Variants in NAV2 observed in about 807,000 individuals in gnomAD.
NAV2 encodes the protein helicase, APC down-regulated 1.
Under a neutral mutation model 223.2 loss-of-function variants are expected in NAV2, and 54 were observed. That is an observed-to-expected ratio of 0.24 (90% confidence interval 0.19 to 0.30). The LOEUF (loss-of-function observed/expected upper bound fraction) is 0.30. Ranked by LOEUF, NAV2 falls within the 10% of genes least tolerant of loss-of-function variation. The probability of loss-of-function intolerance (pLI) is 1.00; values close to 1 mark genes in which losing one functional copy is unlikely to be tolerated. For missense variants in NAV2, 2,806 were observed against 3,147.5 expected (o/e 0.89, Z 2.60); for synonymous variants, 1,279 against 1,239.3 (o/e 1.03, Z -0.67).
chr11:19,426,326 T>C (rs2702639), intron 1 of NAV2, among the ~76,000 whole-genome samples: 77,174 of 151,960 alleles, frequency 0.51, 20,419 homozygotes, highest in African/African-American at 0.65. Context: ...TCCAGAGGAA[T>C]CCAGCTTCCC....
chr11:19,913,961 AGACATCAGCTGTGGACTCCCC>A (rs561817825), intron 6 of NAV2, among the ~76,000 whole-genome samples: 503 of 152,306 alleles, frequency 3.3e-3, no homozygotes, highest in African/African-American at 0.011. Flanking sequence ...CCTTTAACCT[AGACATCAGCTGTGGACTCCCC>A]GAGCCAGTGT....
intron 36 of NAV2, chr11:20,114,369 T>C (rs1219332270): frequency 1.7e-6 from 1 of 584,388 alleles, no homozygotes; most frequent in Non-Finnish European, 3.1e-6. Flanking sequence ...TCAGCCTGAC[T>C]CCAAAGCCTG....
intron 1 of NAV2, among the ~76,000 whole-genome samples, chr11:19,443,368 T>C (rs1028856635): frequency 6.6e-6 from 1 of 152,126 alleles, no homozygotes; most frequent in Admixed American, 6.5e-5. Context: ...CTCCATGGAG[T>C]TGGACCAATG....
chr11:19,424,444 T>A (rs1030046383), intron 1 of NAV2, among the ~76,000 whole-genome samples: 3 of 152,232 alleles, frequency 2.0e-5, no homozygotes, highest in African/African-American at 7.2e-5. Context: ...CATCAAAGAT[T>A]TGACTGTCGA....
chr11:20,063,916 C>G (rs1265853519), intron 20 of NAV2, among the ~76,000 whole-genome samples: 1 of 152,152 alleles, frequency 6.6e-6, no homozygotes, highest in Non-Finnish European at 1.5e-5. Flanking sequence ...CTAACTTAGG[C>G]CTGTATTGAG....
chr11:20,041,671 C>T (rs1591798196), intron 12 of NAV2, among the ~76,000 whole-genome samples: 1 of 152,186 alleles, frequency 6.6e-6, no homozygotes, highest in Admixed American at 6.5e-5. Flanking sequence ...TTGCAGTATT[C>T]CTAGTGCGAA....
rs1397926388 is a variant in NAV2, at chr11:19,869,033, A to G, written c.511+36A>G. ...GCGCTTGTCACGAAGCTGCCTCTTC[A>G]TCATTAGAAATGCCCACCTGTTACT... On this transcript the variant is annotated intron_variant, in intron 4 of 37. Coordinates refer to ENST00000349880, the MANE Select transcript of NAV2 (RefSeq NM_145117.5). The G allele has an allele frequency of 2.5e-6, 4 of 1,579,378 alleles. No individual in the cohort carries two copies. In the South Asian group the frequency reaches 3.3e-5, roughly 13 times the overall value.
intron 6 of NAV2, among the ~76,000 whole-genome samples, chr11:19,927,035 G>T (rs2044822086): frequency 6.6e-6 from 1 of 152,220 alleles, no homozygotes; most frequent in African/African-American, 2.4e-5. Flanking sequence ...TTTGGTTCCT[G>T]TCAGGGAAGG....
At chr11:19,906,086 C>T (rs191965831) in intron 6 of NAV2, among the ~76,000 whole-genome samples, 4 of 152,236 alleles carry the variant, frequency 2.6e-5, no homozygotes, top group Admixed American at 2.6e-4. Context: ...CTCGGCTGGG[C>T]CTGCTCCTAT....
At chr11:19,526,030 T>C (rs984292307) in intron 1 of NAV2, among the ~76,000 whole-genome samples, 3 of 152,160 alleles carry the variant, frequency 2.0e-5, no homozygotes, top group African/African-American at 7.2e-5. Flanking sequence ...CATTGTGAAA[T>C]GTTGCCCCAG....
At chr11:19,786,232 C>T (rs1459881906) in intron 1 of NAV2, among the ~76,000 whole-genome samples, 2 of 152,198 alleles carry the variant, frequency 1.3e-5, no homozygotes, top group East Asian at 1.9e-4. Context: ...AGCTGCTAAG[C>T]CTATTATGTC....
chr11:19,445,726 C>G (rs1034884358), intron 1 of NAV2, among the ~76,000 whole-genome samples: 4 of 151,200 alleles, frequency 2.6e-5, no homozygotes, highest in African/African-American at 9.7e-5. Context: ...TTTTGGCAGC[C>G]CTCTTTATTG....
At chr11:19,938,078 A>T (rs553723613) in intron 7 of NAV2, among the ~76,000 whole-genome samples, 2 of 152,316 alleles carry the variant, frequency 1.3e-5, no homozygotes, top group Non-Finnish European at 2.9e-5. Flanking sequence ...AGCCATGTGG[A>T]GAGAAGCCAC....
At chr11:19,700,186 C>T (rs1313393977) in intron 1 of NAV2, among the ~76,000 whole-genome samples, 1 of 152,112 alleles carries the variant, frequency 6.6e-6, no homozygotes, top group Non-Finnish European at 1.5e-5. Flanking sequence ...TAGTGTTTTA[C>T]CTATATTCAT....
chr11:19,892,294 A>T (rs1234092475), intron 5 of NAV2, 140 bp from the exon 6 acceptor site: 1 of 749,112 alleles, frequency 1.3e-6, no homozygotes, highest in Non-Finnish European at 2.0e-6. Context: ...TAATGGTTCC[A>T]CCAAATTCTG....
At chr11:19,818,268 A>C (rs577667259) in intron 1 of NAV2, among the ~76,000 whole-genome samples, 4 of 98,954 alleles carry the variant, frequency 4.0e-5, no homozygotes, top group East Asian at 3.2e-4. Context: ...TTTTTACTCC[A>C]TCTCACCTGT....
At chr11:19,546,370 A>G (rs141039485) in intron 1 of NAV2, among the ~76,000 whole-genome samples, 6 of 152,270 alleles carry the variant, frequency 3.9e-5, no homozygotes, top group African/African-American at 1.2e-4. Context: ...GCTGTGACCA[A>G]TGGAGGCCCC....
At chr11:19,989,317 A>G (rs543872779) in intron 11 of NAV2, among the ~76,000 whole-genome samples, 5 of 152,204 alleles carry the variant, frequency 3.3e-5, no homozygotes, top group African/African-American at 1.2e-4. Flanking sequence ...AGGACTCGTC[A>G]TGCCATTGCC....
intron 1 of NAV2, among the ~76,000 whole-genome samples, chr11:19,466,539 A>T (rs1444327698): frequency 6.6e-6 from 1 of 152,238 alleles, no homozygotes; most frequent in Admixed American, 6.5e-5. Flanking sequence ...TGCTTGCATG[A>T]TGCAGAGAGA....
Sources: allele counts gnomAD v4.1 joint callset (sites outside exome capture counted in the v4.1 genomes callset), GRCh38; gene constraint gnomAD v4.1.1; transcripts MANE v1.5; gene names NCBI Gene and HGNC (gene_info 2026-07-23, HGNC 2026-07-21).